The following CDKN2B-AS1 variants were observed in gnomAD, a reference collection of about 807,000 sequenced individuals.
CDKN2B-AS1 encodes the protein CDKN2B antisense RNA 1 (non-protein coding).
Position 22,057,227 on chromosome 9 carries a change from C to G in CDKN2B-AS1, n.438+840C>G, listed in dbSNP as rs1217498204. On this transcript the variant is annotated intron_variant and non_coding_transcript_variant, in intron 4 of 4. Coordinates refer to ENST00000650946, the Ensembl canonical transcript of CDKN2B-AS1. ...TTAACTCATAAGTTGTTCAGCAGAG[C>G]TATGTATTCTTCAGTATGTTATAAT... 4.6e-5 allele frequency among the ~76,000 whole-genome samples: 7 copies of G among 152,196 alleles called. No homozygotes were observed. In the East Asian group the frequency reaches 1.4e-3, roughly 29 times the overall value.
At chr9:22,018,571 C>T (rs1053493993) in intron 1 of CDKN2B-AS1, among the ~76,000 whole-genome samples, 3 of 151,940 alleles carry the variant, frequency 2.0e-5, no homozygotes, top group Non-Finnish European at 2.9e-5. Context: ...GGAGGAGAAT[C>T]GCTTGAACCT....
intron 4 of CDKN2B-AS1, among the ~76,000 whole-genome samples, chr9:22,123,182 C>T (rs548222101): frequency 6.6e-6 from 1 of 152,202 alleles, no homozygotes; most frequent in African/African-American, 2.4e-5. Context: ...AGAAATACTA[C>T]TGATTTTTGT....
At chr9:22,072,530 AGC>A (rs1824338132) in intron 4 of CDKN2B-AS1, among the ~76,000 whole-genome samples, 1 of 152,218 alleles carries the variant, frequency 6.6e-6, no homozygotes, top group African/African-American at 2.4e-5. Flanking sequence ...AAGCTATCTA[AGC>A]CTTAGTTAGT....
At chr9:22,086,662 C>T (rs540459906) in intron 4 of CDKN2B-AS1, among the ~76,000 whole-genome samples, 1 of 152,126 alleles carries the variant, frequency 6.6e-6, no homozygotes, top group African/African-American at 2.4e-5. Flanking sequence ...TTATCTTTCT[C>T]CTGCTCACAG....
intron 1 of CDKN2B-AS1, among the ~76,000 whole-genome samples, chr9:22,036,917 C>G (rs952758883): frequency 2.6e-5 from 4 of 152,062 alleles, no homozygotes; most frequent in African/African-American, 9.7e-5. Flanking sequence ...TGCCATTAAT[C>G]CAGATGTAGA....
At chr9:22,031,425 T>C (rs926551969) in intron 1 of CDKN2B-AS1, among the ~76,000 whole-genome samples, 1 of 152,186 alleles carries the variant, frequency 6.6e-6, no homozygotes, top group African/African-American at 2.4e-5. Flanking sequence ...CTATACCCAT[T>C]TTAAAGATGA....
chr9:22,112,821 TA>T (rs1188872382), intron 4 of CDKN2B-AS1, among the ~76,000 whole-genome samples: 4 of 152,130 alleles, frequency 2.6e-5, no homozygotes, highest in Admixed American at 2.6e-4. Context: ...CCTGTCTTCT[TA>T]AAAAAATGAG....
chr9:22,105,958 C>T (rs1000039647), intron 4 of CDKN2B-AS1, among the ~76,000 whole-genome samples: 2 of 152,120 alleles, frequency 1.3e-5, no homozygotes, highest in African/African-American at 2.4e-5. Context: ...TCGCCCAGGC[C>T]GGAGTGCAAT....
At chr9:22,111,158 A>G (rs1239612578) in intron 4 of CDKN2B-AS1, among the ~76,000 whole-genome samples, 13 of 152,094 alleles carry the variant, frequency 8.5e-5, no homozygotes, top group Admixed American at 7.9e-4. Flanking sequence ...ACATTCTTAT[A>G]CTACCTGGCG....
intron 4 of CDKN2B-AS1, among the ~76,000 whole-genome samples, chr9:22,067,256 G>A (rs1057086540): frequency 2.0e-5 from 3 of 152,140 alleles, no homozygotes. Context: ...GTATTCAGAT[G>A]GAGACTAAGC....
intron 1 of CDKN2B-AS1, among the ~76,000 whole-genome samples, chr9:22,022,693 A>G (rs915538582): frequency 6.6e-6 from 1 of 151,982 alleles, no homozygotes; most frequent in African/African-American, 2.4e-5. Flanking sequence ...TGCTTTGCAG[A>G]CTTGTTTTTG....
intron 1 of CDKN2B-AS1, among the ~76,000 whole-genome samples, chr9:22,033,513 C>T (rs1221070805): frequency 6.6e-6 from 1 of 152,134 alleles, no homozygotes; most frequent in Non-Finnish European, 1.5e-5. Flanking sequence ...TACCCTGAAA[C>T]CTGCCACTCC....
At position 22,109,310 on chromosome 9, in the gene CDKN2B-AS1, C is replaced by G. The variant is rs542489144; in HGVS notation, n.439-17793C>G. 1.2e-4 allele frequency among the ~76,000 whole-genome samples: 18 copies of G among 152,252 alleles called. 1 individual carries two copies. The highest frequency in any genetic ancestry group is 4.1e-4 in the African/African-American group (17 of 41,554). ...TCTTTATGAGCTTTTATTTAATTGT[C>G]CTTGCCACATAAGGGTTGAGGGGAT... On this transcript the variant is annotated intron_variant and non_coding_transcript_variant, in intron 4 of 4. Coordinates refer to ENST00000650946, the Ensembl canonical transcript of CDKN2B-AS1.
intron 1 of CDKN2B-AS1, among the ~76,000 whole-genome samples, chr9:22,021,206 G>A (rs1280509902): frequency 6.6e-6 from 1 of 151,464 alleles, no homozygotes; most frequent in African/African-American, 2.4e-5. Context: ...CTCATTTCTG[G>A]GTTCTCTGTT....
At chr9:22,056,453 G>A (rs1473834499) in intron 4 of CDKN2B-AS1, 3 of 151,980 alleles carry the variant, frequency 2.0e-5, no homozygotes, top group African/African-American at 7.3e-5. Context: ...AATTGGAGGG[G>A]AACTGTGAAA....
intron 4 of CDKN2B-AS1, among the ~76,000 whole-genome samples, chr9:22,105,800 G>T (rs1180185996): frequency 6.6e-6 from 1 of 152,212 alleles, no homozygotes; most frequent in Non-Finnish European, 1.5e-5. Context: ...GATAAAGACA[G>T]CATAGTGTAG....
chr9:22,054,187 T>C (rs1005578243), intron 3 of CDKN2B-AS1, among the ~76,000 whole-genome samples: 2 of 152,234 alleles, frequency 1.3e-5, no homozygotes, highest in Non-Finnish European at 2.9e-5. Flanking sequence ...ATTTTACAGA[T>C]GAAGAATCCA....
At chr9:22,106,575 T>C (rs1825666254) in intron 4 of CDKN2B-AS1, among the ~76,000 whole-genome samples, 1 of 152,182 alleles carries the variant, frequency 6.6e-6, no homozygotes, top group Admixed American at 6.5e-5. Context: ...GTACTAGTAC[T>C]AATTTGGAGA....
intron 4 of CDKN2B-AS1, chr9:22,058,484 G>A (rs1159622460): frequency 6.6e-6 from 1 of 152,188 alleles, no homozygotes; most frequent in Non-Finnish European, 1.5e-5. Context: ...CTATTCTGTT[G>A]CCATTTGAAT....
Sources: gnomAD v4.1 joint callset for allele counts (sites outside exome capture counted in the v4.1 genomes callset) on GRCh38, gnomAD v4.1.1 for gene constraint, MANE v1.5 for transcripts, NCBI Gene and HGNC (gene_info 2026-07-23, HGNC 2026-07-21) for gene names.